Variants in GATAD2B observed in about 807,000 individuals in gnomAD.
GATAD2B encodes the protein GATA zinc finger domain containing 2B.
GATAD2B carries 8 observed loss-of-function variants against 64.3 expected under a neutral mutation model. The ratio of observed to expected loss-of-function variants is 0.12; its 90% confidence interval spans 0.07 to 0.22. The LOEUF (loss-of-function observed/expected upper bound fraction) is 0.22, where lower values mean the gene tolerates loss of function less well. Ranked by LOEUF, GATAD2B falls within the 10% of genes least tolerant of loss-of-function variation. The pLI is 1.00. For synonymous variants in GATAD2B, 281 were observed against 271.3 expected (o/e 1.04, Z -0.35); for missense variants, 453 against 752.0 (o/e 0.60, Z 4.65).
At chr1:153,823,981 C>T (rs1009011437) in intron 2 of GATAD2B, among the ~76,000 whole-genome samples, 2 of 149,940 alleles carry the variant, frequency 1.3e-5, no homozygotes, top group South Asian at 2.1e-4. Context: ...CCTCCCGCCT[C>T]GGCCTCCCAA....
intron 1 of GATAD2B, among the ~76,000 whole-genome samples, chr1:153,838,172 C>G (rs1675340296): frequency 6.6e-6 from 1 of 152,136 alleles, no homozygotes; most frequent in Non-Finnish European, 1.5e-5. Flanking sequence ...AGTACAACAC[C>G]CTTCTCAGAG....
chr1:153,904,143 G>A (rs1451838306), intron 1 of GATAD2B, among the ~76,000 whole-genome samples: 1 of 151,996 alleles, frequency 6.6e-6, no homozygotes, highest in Non-Finnish European at 1.5e-5. Flanking sequence ...AGCCGGGCGT[G>A]GTGGCAGGCA....
At chr1:153,888,947 C>G (rs1408565964) in intron 1 of GATAD2B, among the ~76,000 whole-genome samples, 1 of 152,076 alleles carries the variant, frequency 6.6e-6, no homozygotes, top group East Asian at 1.9e-4. Flanking sequence ...TATAGCTACC[C>G]TCTATATAGT....
chr1:153,824,609 C>CT (rs1160503712), intron 2 of GATAD2B, among the ~76,000 whole-genome samples: 3 of 55,718 alleles, frequency 5.4e-5, no homozygotes, highest in African/African-American at 1.6e-4. Flanking sequence ...GAGACTCTGC[C>CT]TTTAAAAAAA....
At chr1:153,901,344 C>G (rs1677765098) in intron 1 of GATAD2B, among the ~76,000 whole-genome samples, 1 of 152,070 alleles carries the variant, frequency 6.6e-6, no homozygotes, top group African/African-American at 2.4e-5. Flanking sequence ...AAGCAAGGCT[C>G]TGTCTCTAAA....
intron 1 of GATAD2B, among the ~76,000 whole-genome samples, chr1:153,844,888 T>G (rs1215332976): frequency 6.7e-6 from 1 of 150,144 alleles, no homozygotes; most frequent in Admixed American, 6.7e-5. Flanking sequence ...AATGTGCACA[T>G]GTACCCTAAA....
chr1:153,851,201 T>C (rs955632159), intron 1 of GATAD2B, among the ~76,000 whole-genome samples: 2 of 152,196 alleles, frequency 1.3e-5, no homozygotes, highest in African/African-American at 4.8e-5. Context: ...CACATAGTTA[T>C]TTATCTTTCT....
At position 153,861,493 on chromosome 1, in the gene GATAD2B, A is replaced by G. The variant is rs1206957026; in HGVS notation, c.-1-33145T>C. Among the ~76,000 whole-genome samples, 3 of 151,688 alleles carry G rather than the reference A, an allele frequency of 2.0e-5. No individual in the cohort carries two copies. In the East Asian group the frequency reaches 5.8e-4, roughly 29 times the overall value. On this transcript the variant is annotated intron_variant, in intron 1 of 10. Transcript: ENST00000368655. ...TCAAAGAAACATCATTAAGTTATAT[A>G]TTTAAAAAATACGGCCGGACACAGT...
chr1:153,883,644 C>G (rs1292880120), intron 1 of GATAD2B, among the ~76,000 whole-genome samples: 1 of 152,020 alleles, frequency 6.6e-6, no homozygotes, highest in Non-Finnish European at 1.5e-5. Context: ...TATTTTTTAA[C>G]AACCCATTCA....
At chr1:153,858,204 C>T (rs1040168536) in intron 1 of GATAD2B, among the ~76,000 whole-genome samples, 1 of 152,200 alleles carries the variant, frequency 6.6e-6, no homozygotes, top group African/African-American at 2.4e-5. Context: ...TCCAATCTAA[C>T]TTATTTCTCT....
intron 1 of GATAD2B, among the ~76,000 whole-genome samples, chr1:153,878,153 T>A (rs1676891894): frequency 6.7e-6 from 1 of 148,432 alleles, no homozygotes; most frequent in African/African-American, 2.4e-5. Context: ...GTAGGTCCCA[T>A]CCTGCAATCT....
chr1:153,852,636 T>C, intron 1 of GATAD2B: 2 of 815,428 alleles, frequency 2.5e-6, no homozygotes, highest in East Asian at 2.4e-5. Flanking sequence ...TTCAATCAAG[T>C]GAACAGAAGA....
At chr1:153,861,780 T>TTAAAAAAAAAA (rs1676290802) in intron 1 of GATAD2B, among the ~76,000 whole-genome samples, 1 of 38,734 alleles carries the variant, frequency 2.6e-5, no homozygotes, top group Non-Finnish European at 5.9e-5. Context: ...AGACTCCATT[T>TTAAAAAAAAAA]CAAAAAAAAA....
chr1:153,838,407 G>A (rs1394142612), intron 1 of GATAD2B, among the ~76,000 whole-genome samples: 1 of 152,074 alleles, frequency 6.6e-6, no homozygotes, highest in Non-Finnish European at 1.5e-5. Context: ...CATTTTCTCT[G>A]CCTTTTTTTT....
intron 1 of GATAD2B, among the ~76,000 whole-genome samples, chr1:153,884,281 T>C (rs200777576): frequency 4.6e-5 from 7 of 151,810 alleles, no homozygotes; most frequent in Non-Finnish European, 8.8e-5. Context: ...CTACTAAAAA[T>C]ACAAAAAAAT....
chr1:153,829,609 C>T (rs957954471), intron 1 of GATAD2B, among the ~76,000 whole-genome samples: 2 of 151,838 alleles, frequency 1.3e-5, no homozygotes, highest in Non-Finnish European at 2.9e-5. Flanking sequence ...TGGTGGCGGG[C>T]GCCTGTAATC....
At chr1:153,839,065 G>C (rs1675374414) in intron 1 of GATAD2B, among the ~76,000 whole-genome samples, 2 of 134,692 alleles carry the variant, frequency 1.5e-5, no homozygotes, top group South Asian at 4.8e-4. Context: ...ACTGAGATCA[G>C]GTCACTTCAC....
At chr1:153,853,669 A>G (rs889899787) in intron 1 of GATAD2B, among the ~76,000 whole-genome samples, 1 of 152,156 alleles carries the variant, frequency 6.6e-6, no homozygotes, top group African/African-American at 2.4e-5. Context: ...CATATCCACG[A>G]AATCATTGCC....
chr1:153,815,081 CAAAAAAAAAAAAAAAA>C lies in GATAD2B; in HGVS notation c.1216+1176_1216+1191del, dbSNP rs58874063. ...TGGGTGACAGAGTAAGACTCTGTCT[CAAAAAAAAAAAAAAAA>C]AAAAAAAAAAAAAAACCAACAAAGA... On this transcript the variant is annotated intron_variant, in intron 7 of 10. Transcript: ENST00000368655. Among the ~76,000 whole-genome samples, 18 of 25,380 alleles carry C rather than the reference CAAAAAAAAAAAAAAAA, an allele frequency of 7.1e-4. No individual in the cohort carries two copies. In the South Asian group the frequency reaches 0.015, roughly 21 times the overall value. The allele number at this position is 25,380 out of a possible 152,430, so 16.7% of individuals were successfully genotyped here.
Sources: gnomAD v4.1 joint callset for allele counts (sites outside exome capture counted in the v4.1 genomes callset) on GRCh38, gnomAD v4.1.1 for gene constraint, MANE v1.5 for transcripts, NCBI Gene and HGNC (gene_info 2026-07-23, HGNC 2026-07-21) for gene names.